The following TNFSF4 variants were observed in gnomAD, a reference collection of about 807,000 sequenced individuals.
TNFSF4 encodes tumor necrosis factor ligand superfamily member 4.
TNFSF4 carries 4 observed loss-of-function variants against 7.3 expected under a neutral mutation model. That is an observed-to-expected ratio of 0.55 (90% confidence interval 0.27 to 1.25). The LOEUF is 1.25. Ranked by LOEUF, TNFSF4 falls within the 50% of genes most tolerant of loss-of-function variation. The pLI is 0.12. For missense variants in TNFSF4, 181 were observed against 208.8 expected (o/e 0.87, Z 0.82); for synonymous variants, 76 against 83.7 (o/e 0.91, Z 0.50).
the TNFSF4 span, among the ~76,000 whole-genome samples, chr1:173,284,809 G>T: frequency 1.0e-3 from 154 of 152,232 alleles, no homozygotes; most frequent in African/African-American, 3.4e-3. Context: ...CTCAGAAAAA[G>T]AGTTCTTTCA....
At chr1:173,412,324 G>A in the TNFSF4 span, among the ~76,000 whole-genome samples, 31 of 152,244 alleles carry the variant, frequency 2.0e-4, no homozygotes, top group Middle Eastern at 0.017. Flanking sequence ...TTCTGGCTCA[G>A]CCTCACTGCC....
the TNFSF4 span, among the ~76,000 whole-genome samples, chr1:173,263,388 T>A: frequency 6.6e-6 from 1 of 152,232 alleles, no homozygotes; most frequent in East Asian, 1.9e-4. Flanking sequence ...CAATTCAATT[T>A]ACTCAATTTC....
At chr1:173,434,694 CAA>C in the TNFSF4 span, among the ~76,000 whole-genome samples, 1 of 152,184 alleles carries the variant, frequency 6.6e-6, no homozygotes, top group African/African-American at 2.4e-5. Context: ...CAAATGCCAG[CAA>C]AGACACTCCT....
the TNFSF4 span, among the ~76,000 whole-genome samples, chr1:173,406,552 T>C: frequency 6.6e-5 from 10 of 152,204 alleles, no homozygotes; most frequent in African/African-American, 1.4e-4. Flanking sequence ...AAAATTTTTA[T>C]TTTACATTGT....
chr1:173,220,092 C>T, the TNFSF4 span, among the ~76,000 whole-genome samples: 1 of 152,008 alleles, frequency 6.6e-6, no homozygotes, highest in African/African-American at 2.4e-5. Context: ...ATTCACCTTC[C>T]CAAAACAAAG....
the TNFSF4 span, among the ~76,000 whole-genome samples, chr1:173,222,921 A>G: frequency 1.3e-5 from 2 of 152,220 alleles, no homozygotes; most frequent in African/African-American, 2.4e-5. Context: ...CTTACCCCAG[A>G]CAAAGGCCCA....
the TNFSF4 span, among the ~76,000 whole-genome samples, chr1:173,228,244 A>T: frequency 1.3e-5 from 2 of 152,194 alleles, no homozygotes; most frequent in Non-Finnish European, 2.9e-5. Context: ...CAGAGGAATG[A>T]TCAGGCAGCA....
chr1:173,179,965 AATTTT>A (rs1299310190), downstream of TNFSF4, among the ~76,000 whole-genome samples: 1 of 152,104 alleles, frequency 6.6e-6, no homozygotes, highest in Non-Finnish European at 1.5e-5. Context: ...GGTTTCTTCC[AATTTT>A]CAGACCTTAA....
chr1:173,265,691 A>C, the TNFSF4 span, among the ~76,000 whole-genome samples: 1 of 152,152 alleles, frequency 6.6e-6, no homozygotes. Flanking sequence ...CACTCTTCAA[A>C]GGACAGCTGA....
chr1:173,309,491 T>A, the TNFSF4 span, among the ~76,000 whole-genome samples: 1 of 151,912 alleles, frequency 6.6e-6, no homozygotes, highest in East Asian at 1.9e-4. Context: ...TCTTTTTTAG[T>A]TGATTGATTT....
the TNFSF4 span, among the ~76,000 whole-genome samples, chr1:173,278,063 A>G: frequency 1.3e-5 from 2 of 152,128 alleles, no homozygotes; most frequent in African/African-American, 4.8e-5. Flanking sequence ...TCTAAGAAGA[A>G]CAGTATCCAA....
chr1:173,319,903 C>T, the TNFSF4 span, among the ~76,000 whole-genome samples: 1 of 152,100 alleles, frequency 6.6e-6, no homozygotes, highest in African/African-American at 2.4e-5. Flanking sequence ...GAGGAAAAAC[C>T]AGCATGAAAA....
the TNFSF4 span, among the ~76,000 whole-genome samples, chr1:173,302,411 G>C: frequency 6.6e-6 from 1 of 151,924 alleles, no homozygotes; most frequent in East Asian, 1.9e-4. Context: ...GCAGGAGAAA[G>C]AGAAGGGTAA....
chr1:173,271,612 G>A, the TNFSF4 span, among the ~76,000 whole-genome samples: 1 of 152,044 alleles, frequency 6.6e-6, no homozygotes, highest in African/African-American at 2.4e-5. Context: ...CATCATCACT[G>A]GCCATCAGAG....
chr1:173,411,536 A>C, the TNFSF4 span, among the ~76,000 whole-genome samples: 1 of 152,150 alleles, frequency 6.6e-6, no homozygotes, highest in Non-Finnish European at 1.5e-5. Flanking sequence ...GCAGTGGCTC[A>C]CTCCTGTATT....
At chr1:173,236,416 C>CAAAAAAAAAAAAAAA in the TNFSF4 span, among the ~76,000 whole-genome samples, 1 of 110,104 alleles carries the variant, frequency 9.1e-6, no homozygotes, top group Non-Finnish European at 2.0e-5. Context: ...CCAGTTATTT[C>CAAAAAAAAAAAAAAA]AAAAAAAAAA....
the TNFSF4 span, among the ~76,000 whole-genome samples, chr1:173,345,262 G>A: frequency 5.3e-5 from 8 of 152,322 alleles, no homozygotes; most frequent in South Asian, 4.1e-4. Context: ...CAGGACAGAC[G>A]AAGAAGTTTT....
At chr1:173,395,414 A>ATATATATATG in the TNFSF4 span, among the ~76,000 whole-genome samples, 1 of 130,996 alleles carries the variant, frequency 7.6e-6, no homozygotes, top group Admixed American at 7.7e-5. Flanking sequence ...ATATATATAT[A>ATATATATATG]TATATGGAGA....
chr1:173,439,237 C>T, the TNFSF4 span, among the ~76,000 whole-genome samples: 36 of 152,364 alleles, frequency 2.4e-4, no homozygotes, highest in African/African-American at 8.2e-4. Flanking sequence ...AATGTACATG[C>T]AAATGTCTTA....
Sources: gnomAD v4.1 joint callset for allele counts (sites outside exome capture counted in the v4.1 genomes callset) on GRCh38, gnomAD v4.1.1 for gene constraint, MANE v1.5 for transcripts, NCBI Gene and HGNC (gene_info 2026-07-23, HGNC 2026-07-21) for gene names.